The following ALG10B variants were observed in gnomAD, a reference collection of about 807,000 sequenced individuals.
The protein encoded by ALG10B is ALG10 alpha-1,2-glucosyltransferase B.
Under a neutral mutation model 38.7 loss-of-function variants are expected in ALG10B, and 27 were observed. The ratio of observed to expected loss-of-function variants is 0.70; its 90% CI spans 0.51 to 0.96. The LOEUF (loss-of-function observed/expected upper bound fraction) is 0.96. ALG10B is among the 40% of genes least tolerant of loss of function. The probability of loss-of-function intolerance (pLI) is 0.00; values close to 1 mark genes in which losing one functional copy is unlikely to be tolerated. For missense variants in ALG10B, 522 were observed against 542.7 expected (o/e 0.96, Z 0.38); for synonymous variants, 177 against 193.3 (o/e 0.92, Z 0.70).
In ALG10B at chr12:38,320,408, C is replaced by G. The variant is rs2120492663; in HGVS notation, c.617C>G (p.Thr206Ser). The change falls in exon 3 of 3, where the codon ACT becomes AGT. Residue 206 changes from threonine (T) to serine (S), a missense_variant. Thr to Ser is a moderately conservative substitution (Grantham distance 58). Transcript: ENST00000308742. ...CAGNVIAQKL[T>S]EAWKTELQKK... ...GGGAATGTCATTGCACAAAAGTTAA[C>G]TGAGGCTTGGAAAACTGAGCTACAA... 2.5e-6 allele frequency: 4 copies of G among 1,614,032 alleles called. No individual in the cohort carries two copies. In the East Asian group the frequency reaches 6.7e-5, roughly 27 times the overall value.
rs1945717550 is a variant in ALG10B at position 38,323,269 on chromosome 12, A to G, written c.*2056A>G. ...TGACTAGTGTTTGATTCCATTATCT[A>G]TTAAAAAAAGTCAGAATTGAAAGAA... is the stretch of plus-strand genomic sequence containing the variant. On this transcript the variant is annotated 3_prime_UTR_variant, in exon 3 of 3. Transcript: ENST00000308742. 1 of 152,462 alleles carries G rather than the reference A, an allele frequency of 6.6e-6. No individual in the cohort carries two copies. The highest frequency in any genetic ancestry group is 2.4e-5 in the African/African-American group (1 of 41,572). 9.4% of individuals were successfully genotyped at this position (152,462 alleles called of 1,614,324 possible).
chr12:38,317,701 T>C (rs1230465457), intron 1 of ALG10B: 1 of 177,262 alleles, frequency 5.6e-6, no homozygotes, highest in Non-Finnish European at 1.2e-5. Context: ...AAGTCTGTTT[T>C]AGAGAAAGAT....
rs1164598045 is a variant in ALG10B, at chr12:38,324,010, G to T, written c.*2797G>T. ...ATTAAAGAAGACTGCTCTTTGGAGG[G>T]ATCACTGTTCTATATCTTTTTTTGT... On this transcript the variant is annotated 3_prime_UTR_variant, in exon 3 of 3. Coordinates refer to ENST00000308742, the MANE Select transcript of ALG10B (RefSeq NM_001013620.4). The T allele has an allele frequency of 5.8e-6, 4 of 689,004 alleles. No individual in the cohort carries two copies. The highest frequency in any genetic ancestry group is 1.0e-5 in the Non-Finnish European group (4 of 381,278). 42.7% of individuals were successfully genotyped at this position (689,004 alleles called of 1,614,324 possible). A position where few individuals can be genotyped will look rare whatever the true frequency, so the allele number is the denominator to read the frequency against.
chr12:38,328,943 A>G lies in ALG10B; in HGVS notation c.*7730A>G, dbSNP rs1438403151. On this transcript the variant is annotated 3_prime_UTR_variant, in exon 3 of 3. Transcript: ENST00000308742. The stretch of plus-strand genomic sequence containing the variant: ...GAGATCAGTACCGTACACATGGGGA[A>G]ACTTAGTATAGAGAGGTGAAGTATT... 5.8e-6 allele frequency: 2 copies of G among 343,114 alleles called. No homozygotes were observed. Among genetic ancestry groups the G allele is most frequent in the Non-Finnish European group, 1.0e-5 (2 of 191,934 alleles). The allele number at this position is 343,114 out of a possible 1,614,324, so 21.3% of individuals were successfully genotyped here.
Position 38,325,954 on chromosome 12 carries a change from AT to A in ALG10B, c.*4742del, listed in dbSNP as rs1276251427. 1.3e-5 allele frequency: 2 copies of A among 152,152 alleles called. No individual in the cohort carries two copies. The highest frequency in any genetic ancestry group is 2.9e-5 in the Non-Finnish European group (2 of 67,984). The allele number at this position is 152,152 out of a possible 1,614,324, so 9.4% of individuals were successfully genotyped here. A position where few individuals can be genotyped will look rare whatever the true frequency, so the allele number is the denominator to read the frequency against. On this transcript the variant is annotated 3_prime_UTR_variant, in exon 3 of 3. Transcript: ENST00000308742. The stretch of plus-strand genomic sequence containing the variant: ...GAAGTGAATAGAAAAAACATCCTAC[AT>A]AACCGTGGCTAATTTTAGGAAGTAA...
rs1360110424 is a variant in ALG10B, at chr12:38,323,603, A to C, written c.*2390A>C. The C allele has an allele frequency of 3.1e-6, 1 of 318,554 alleles. No homozygotes were observed. Among genetic ancestry groups the C allele is most frequent in the East Asian group, 5.9e-5 (1 of 16,888 alleles). 19.7% of individuals were successfully genotyped at this position (318,554 alleles called of 1,614,324 possible). A position where few individuals can be genotyped will look rare whatever the true frequency, so the allele number is the denominator to read the frequency against. On this transcript the variant is annotated 3_prime_UTR_variant, in exon 3 of 3. Coordinates refer to ENST00000308742, the MANE Select transcript of ALG10B (RefSeq NM_001013620.4). ...TTTTAAGTGATGAGTCTACATTTAC[A>C]AATATAAAATTGTGTGCAGGTGAAA...
rs1487067976 is a variant in ALG10B, at chr12:38,328,623, A to T, written c.*7410A>T. 6.6e-6 allele frequency: 1 copy of T among 152,184 alleles called. No homozygotes were observed. Among genetic ancestry groups the T allele is most frequent in the Non-Finnish European group, 1.5e-5 (1 of 68,012 alleles). The allele number at this position is 152,184 out of a possible 1,614,324, so 9.4% of individuals were successfully genotyped here. A position where few individuals can be genotyped will look rare whatever the true frequency, so the allele number is the denominator to read the frequency against. ...ACCACAAAGATTTATAATCATTTAT[A>T]TCTATTTATCTAATGTTATTCAAAT... On this transcript the variant is annotated 3_prime_UTR_variant, in exon 3 of 3. Coordinates refer to ENST00000308742, the MANE Select transcript of ALG10B (RefSeq NM_001013620.4).
Position 38,320,229 on chromosome 12 carries a change from T to C in ALG10B, c.438T>C (p.Phe146=). 2 of 1,614,054 alleles carry C rather than the reference T, an allele frequency of 1.2e-6. No homozygotes were observed. The highest frequency in any genetic ancestry group is 2.2e-5 in the East Asian group (1 of 44,866). ...CAGTATTTCCAACACTTTATTTTTT[T>C]AACTTCCTTTATTATACAGAAGCAG... ...TLAVFPTLYF[F]NFLYYTEAGS... The change falls in exon 3 of 3, where the codon TTT becomes TTC. Residue 146 remains phenylalanine, a synonymous_variant. Coordinates refer to ENST00000308742, the MANE Select transcript of ALG10B (RefSeq NM_001013620.4).
In ALG10B at chr12:38,320,997, C is replaced by T; in HGVS notation, c.1206C>T (p.Cys402=). 1 of 1,613,184 alleles carries T rather than the reference C, an allele frequency of 6.2e-7. No individual in the cohort carries two copies. The highest frequency in any genetic ancestry group is 8.5e-7 in the Non-Finnish European group (1 of 1,179,702). ...PIFWNLMFFI[C]LFIVIVPQKL... ...TTTGGAATTTAATGTTTTTCATATG[C>T]TTGTTCATTGTTATAGTTCCTCAGA... The change falls in exon 3 of 3, where the codon TGC becomes TGT. Residue 402 remains cysteine, a synonymous_variant. Transcript: ENST00000308742.
chr12:38,320,441 A>C lies in ALG10B; in HGVS notation c.650A>C (p.Glu217Ala), dbSNP rs755833972. The C allele has an allele frequency of 6.2e-7, 1 of 1,614,110 alleles. No individual in the cohort carries two copies. Among genetic ancestry groups the C allele is most frequent in the Non-Finnish European group, 8.5e-7 (1 of 1,179,966 alleles). ...TGGAAAACTGAGCTACAAAAGAAGG[A>C]AGACAGACTTCCACCTATTAAAGGA... ...EAWKTELQKK[E>A]DRLPPIKGPF... is the part of the protein sequence containing the mutation. Residue 217 changes from glutamate (E) to alanine (A), a missense_variant, in exon 3 of 3, where the codon GAA becomes GCA. Transcript: ENST00000308742.
Position 38,321,187 on chromosome 12 carries a change from C to G in ALG10B, c.1396C>G (p.Gln466Glu). The G allele has an allele frequency of 1.2e-6, 2 of 1,611,658 alleles. No individual in the cohort carries two copies. Among genetic ancestry groups the G allele is most frequent in the Non-Finnish European group, 8.5e-7 (1 of 1,179,084 alleles). Residue 466 changes from glutamine (Q) to glutamate (E), a missense_variant, in exon 3 of 3, where the codon CAG becomes GAG. Gln to Glu is a conservative substitution (Grantham distance 29). Transcript: ENST00000308742. ...LNKTFQWPNS[Q>E]DIQRFMW Reference sequence around the variant, plus strand: ...CAAGACTTTTCAGTGGCCAAATAGTCAGGACATTCAAAGGTTTATGTGGTA... The same window carrying G: ...CAAGACTTTTCAGTGGCCAAATAGTGAGGACATTCAAAGGTTTATGTGGTA...
chr12:38,326,306 G>GC lies in ALG10B; in HGVS notation c.*5093_*5094insC, dbSNP rs1945743896. ...CCAGTGTGGCCCAGGGAAGCCAAAAGATTGGAGACCCCTGCTAGCATTTAA... is the reference window on the plus strand; with the variant it reads ...CCAGTGTGGCCCAGGGAAGCCAAAAGCATTGGAGACCCCTGCTAGCATTTAA... On this transcript the variant is annotated 3_prime_UTR_variant, in exon 3 of 3. Transcript: ENST00000308742. 1 of 151,868 alleles carries GC rather than the reference G, an allele frequency of 6.6e-6. No individual in the cohort carries two copies. Among genetic ancestry groups the GC allele is most frequent in the Admixed American group, 6.6e-5 (1 of 15,256 alleles). The allele number at this position is 151,868 out of a possible 1,614,324, so 9.4% of individuals were successfully genotyped here.
At chr12:38,318,491 G>A (rs1330299277) in intron 2 of ALG10B, 33 bp downstream of exon 2, 3 of 1,569,730 alleles carry the variant, frequency 1.9e-6, no homozygotes, top group African/African-American at 1.3e-5. Flanking sequence ...ACAAGTTTAT[G>A]TGTAGTCAGG....
chr12:38,329,260 A>G lies in ALG10B; in HGVS notation c.*8047A>G. 5.1e-6 allele frequency: 2 copies of G among 393,584 alleles called. No individual in the cohort carries two copies. Among genetic ancestry groups the G allele is most frequent in the East Asian group, 3.6e-5 (1 of 27,738 alleles). The allele number at this position is 393,584 out of a possible 1,614,324, so 24.4% of individuals were successfully genotyped here. A position where few individuals can be genotyped will look rare whatever the true frequency, so the allele number is the denominator to read the frequency against. On this transcript the variant is annotated 3_prime_UTR_variant, in exon 3 of 3. Coordinates refer to ENST00000308742, the MANE Select transcript of ALG10B (RefSeq NM_001013620.4). Reference sequence around the variant, plus strand: ...TTTTGTCATGATACCTCAAATTGATATATGTTGTAATTATGAATTTAAGGA... The same window carrying G: ...TTTTGTCATGATACCTCAAATTGATGTATGTTGTAATTATGAATTTAAGGA...
Position 38,329,288 on chromosome 12 carries a change from T to TG in ALG10B, c.*8075_*8076insG, listed in dbSNP as rs1322355109. 10 of 331,890 alleles carry TG rather than the reference T, an allele frequency of 3.0e-5. No homozygotes were observed. The East Asian group carries it at 3.8e-4, about 13-fold the overall frequency. 20.6% of individuals were successfully genotyped at this position (331,890 alleles called of 1,614,324 possible). A position where few individuals can be genotyped will look rare whatever the true frequency, so the allele number is the denominator to read the frequency against. On this transcript the variant is annotated 3_prime_UTR_variant, in exon 3 of 3. Transcript: ENST00000308742. ...TGTTGTAATTATGAATTTAAGGAAG[T>TG]AAAAAAATAACTCAGGGCTGGAGCC...
rs1160219120 is a variant in ALG10B at position 38,322,351 on chromosome 12, G to A, written c.*1138G>A. ...TTACAAAGACCCATGTTCCAAGTAA[G>A]TTTGTATTCACATGTTCTGAGTAGA... On this transcript the variant is annotated 3_prime_UTR_variant, in exon 3 of 3. Transcript: ENST00000308742. The A allele has an allele frequency of 6.6e-6, 1 of 152,116 alleles. No individual in the cohort carries two copies. Among genetic ancestry groups the A allele is most frequent in the Non-Finnish European group, 1.5e-5 (1 of 68,030 alleles). The allele number at this position is 152,116 out of a possible 1,614,324, so 9.4% of individuals were successfully genotyped here.
chr12:38,323,645 G>T lies in ALG10B; in HGVS notation c.*2432G>T. On this transcript the variant is annotated 3_prime_UTR_variant, in exon 3 of 3. Coordinates refer to ENST00000308742, the MANE Select transcript of ALG10B (RefSeq NM_001013620.4). Reference sequence around the variant, plus strand: ...CAGGTGAAAATTACAAGTATAATTTGAGTAATAAATGCAGGCCATTTTTTG... The same window carrying T: ...CAGGTGAAAATTACAAGTATAATTTTAGTAATAAATGCAGGCCATTTTTTG... 1 of 412,446 alleles carries T rather than the reference G, an allele frequency of 2.4e-6. No individual in the cohort carries two copies. The highest frequency in any genetic ancestry group is 2.0e-5 in the African/African-American group (1 of 49,728). The allele number at this position is 412,446 out of a possible 1,614,324, so 25.5% of individuals were successfully genotyped here. A position where few individuals can be genotyped will look rare whatever the true frequency, so the allele number is the denominator to read the frequency against.
rs12305782 is a variant in ALG10B, at chr12:38,327,451, G to T, written c.*6238G>T. ...TTATACTAGCTGATTTACAAATATTGTCTCATTTGATGCTACATTTATATT... is the reference window on the plus strand; with the variant it reads ...TTATACTAGCTGATTTACAAATATTTTCTCATTTGATGCTACATTTATATT... On this transcript the variant is annotated 3_prime_UTR_variant, in exon 3 of 3. Coordinates refer to ENST00000308742, the MANE Select transcript of ALG10B (RefSeq NM_001013620.4). The T allele has an allele frequency of 1.3e-5, 2 of 152,026 alleles. No individual in the cohort carries two copies. Among genetic ancestry groups the T allele is most frequent in the African/African-American group, 4.8e-5 (2 of 41,378 alleles). The allele number at this position is 152,026 out of a possible 1,614,324, so 9.4% of individuals were successfully genotyped here.
rs370873812 is a variant in ALG10B, at chr12:38,328,873, C to G, written c.*7660C>G. The G allele has an allele frequency of 4.4e-6, 1 of 228,722 alleles. No homozygotes were observed. Among genetic ancestry groups the G allele is most frequent in the South Asian group, 1.8e-4 (1 of 5,528 alleles). 14.2% of individuals were successfully genotyped at this position (228,722 alleles called of 1,614,324 possible). Reference sequence around the variant, plus strand: ...AACTCGTGTAACATTGTATCAGCCACTGTTATAAAGTGATTTACCCATGTT... The same window carrying G: ...AACTCGTGTAACATTGTATCAGCCAGTGTTATAAAGTGATTTACCCATGTT... On this transcript the variant is annotated 3_prime_UTR_variant, in exon 3 of 3. Coordinates refer to ENST00000308742, the MANE Select transcript of ALG10B (RefSeq NM_001013620.4).
Sources: gnomAD v4.1 joint callset for allele counts on GRCh38, gnomAD v4.1.1 for gene constraint, MANE v1.5 for transcripts, NCBI Gene and HGNC (gene_info 2026-07-23, HGNC 2026-07-21) for gene names.